Variants in DLGAP3 observed in about 807,000 individuals in gnomAD.
DLGAP3 encodes disks large-associated protein 3.
A neutral mutation model predicts 81.2 loss-of-function variants in DLGAP3; 17 were observed. That is an observed-to-expected ratio of 0.21 (90% CI 0.14 to 0.31). The LOEUF (loss-of-function observed/expected upper bound fraction) is 0.31. Ranked by LOEUF, DLGAP3 falls within the 10% of genes least tolerant of loss-of-function variation. The probability of loss-of-function intolerance (pLI) is 1.00; values close to 1 mark genes in which losing one functional copy is unlikely to be tolerated. For synonymous variants in DLGAP3, 577 were observed against 587.4 expected, an observed-to-expected ratio of 0.98 and a Z score of 0.26; for missense variants, 1,124 against 1,388.0, an observed-to-expected ratio of 0.81 and a Z score of 3.02.
At chr1:34,866,681 G>A (rs1638885617) in intron 11 of DLGAP3, among the ~76,000 whole-genome samples, 2 of 152,206 alleles carry the variant, frequency 1.3e-5, no homozygotes, top group African/African-American at 4.8e-5. Context: ...CCTGGCGGCT[G>A]AGGGGACCCT....
chr1:34,885,407 G>A, intron 7 of DLGAP3, 71 bp downstream of exon 7: 1 of 1,514,188 alleles, frequency 6.6e-7, no homozygotes, highest in South Asian at 1.2e-5. Context: ...CCAGAAGGCC[G>A]CTTCCAGCCC....
intron 8 of DLGAP3, among the ~76,000 whole-genome samples, chr1:34,874,927 G>C (rs779984523): frequency 1.3e-5 from 2 of 152,076 alleles, no homozygotes; most frequent in Non-Finnish European, 2.9e-5. Flanking sequence ...GCATCTAAGA[G>C]CCTAAACATA....
At chr1:34,924,723 C>A (rs2148422186) in intron 1 of DLGAP3, among the ~76,000 whole-genome samples, 2 of 152,318 alleles carry the variant, frequency 1.3e-5, no homozygotes, top group Non-Finnish European at 2.9e-5. Flanking sequence ...TCCAACTCTA[C>A]CCCGATAATA....
chr1:34,905,540 A>T, intron 2 of DLGAP3, 106 bp from the exon 3 acceptor site: 1 of 779,838 alleles, frequency 1.3e-6, no homozygotes, highest in South Asian at 2.0e-5. Flanking sequence ...ATATCAATTT[A>T]TTATGATTAA....
Position 34,885,080 on chromosome 1 carries a change from G to A in DLGAP3, c.1915-17C>T, listed in dbSNP as rs765103549. 23 of 1,608,662 alleles carry A rather than the reference G, an allele frequency of 1.4e-5. No homozygotes were observed. The East Asian group carries it at 4.0e-4, about 28-fold the overall frequency. ...CGTCTCCACCTGGTGGCAGGGTGGAGGAGTCAGTGGCTGTGGCGAGCCAAG... is the reference window on the plus strand; with the variant it reads ...CGTCTCCACCTGGTGGCAGGGTGGAAGAGTCAGTGGCTGTGGCGAGCCAAG... On this transcript the variant is annotated splice_polypyrimidine_tract_variant and intron_variant, in intron 7 of 11. Coordinates refer to ENST00000373347, the MANE Select transcript of DLGAP3 (RefSeq NM_001080418.3).
intron 5 of DLGAP3, among the ~76,000 whole-genome samples, chr1:34,889,165 T>C (rs1639277962): frequency 6.6e-6 from 1 of 152,154 alleles, no homozygotes; most frequent in Admixed American, 6.5e-5. Context: ...GAGAAGTGCC[T>C]CTTTCCCTGG....
At chr1:34,908,642 G>A (rs1042955318) in intron 1 of DLGAP3, among the ~76,000 whole-genome samples, 1 of 152,176 alleles carries the variant, frequency 6.6e-6, no homozygotes, top group South Asian at 2.1e-4. Flanking sequence ...GTGATTAATA[G>A]TAGTGGAAGA....
At chr1:34,903,942 C>T (rs568026262) in intron 3 of DLGAP3, among the ~76,000 whole-genome samples, 3 of 152,318 alleles carry the variant, frequency 2.0e-5, no homozygotes, top group African/African-American at 7.2e-5. Flanking sequence ...CTAAGGTGCA[C>T]CTCTCTATCC....
chr1:34,884,208 C>T (rs1639186281), intron 8 of DLGAP3, among the ~76,000 whole-genome samples: 1 of 152,012 alleles, frequency 6.6e-6, no homozygotes, highest in African/African-American at 2.4e-5. Context: ...CGTGAGCCAC[C>T]GCACCTGGCC....
At chr1:34,896,937 T>C (rs1426226427) in intron 5 of DLGAP3, among the ~76,000 whole-genome samples, 1 of 152,078 alleles carries the variant, frequency 6.6e-6, no homozygotes, top group African/African-American at 2.4e-5. Context: ...GGCCAAGGGG[T>C]AATCACAGAT....
chr1:34,884,324 T>C (rs1639188157), intron 8 of DLGAP3, among the ~76,000 whole-genome samples: 1 of 151,968 alleles, frequency 6.6e-6, no homozygotes, highest in Non-Finnish European at 1.5e-5. Flanking sequence ...TTTCTCCCCA[T>C]AGGCACCCAA....
In DLGAP3 at chr1:34,871,370, C is replaced by A. The variant is rs112704910; in HGVS notation, c.2001-2281G>T. Among the ~76,000 whole-genome samples the A allele has an allele frequency of 6.3e-3, 955 of 152,316 alleles. 7 individuals carry two copies. Among genetic ancestry groups the A allele is most frequent in the African/African-American group, 0.022 (921 of 41,576 alleles). ...TCCTCCTCCTGGCTCCTTGTCCATT[C>A]CCTCCTTAAGTCCTGTTTTACCTGT... On this transcript the variant is annotated intron_variant, in intron 8 of 11. Transcript: ENST00000373347.
At chr1:34,922,197 T>C (rs1486906322) in intron 1 of DLGAP3, among the ~76,000 whole-genome samples, 2 of 152,194 alleles carry the variant, frequency 1.3e-5, no homozygotes, top group African/African-American at 4.8e-5. Context: ...CAAGGCCTTA[T>C]AGGTTTTCCC....
At chr1:34,869,768 G>A (rs963657024) in intron 8 of DLGAP3, among the ~76,000 whole-genome samples, 2 of 152,266 alleles carry the variant, frequency 1.3e-5, no homozygotes, top group African/African-American at 4.8e-5. Flanking sequence ...GAGCCACCAC[G>A]CCTGGCCGAA....
chr1:34,893,220 T>G lies in DLGAP3; in HGVS notation c.1386+6449A>C, dbSNP rs1569628463. Among the ~76,000 whole-genome samples, 5 of 147,394 alleles carry G rather than the reference T, an allele frequency of 3.4e-5. No individual in the cohort carries two copies. In the South Asian group the frequency reaches 1.1e-3, roughly 32 times the overall value. ...AAAAACAATGAACACCAGAAGGCAG[T>G]GGAGTGGTATATTCTAAGTGCTGAA... On this transcript the variant is annotated intron_variant, in intron 5 of 11. Coordinates refer to ENST00000373347, the MANE Select transcript of DLGAP3 (RefSeq NM_001080418.3).
At position 34,902,683 on chromosome 1, in the gene DLGAP3, C is replaced by A. The variant is rs979888676; in HGVS notation, c.1107+1594G>T. On this transcript the variant is annotated intron_variant, in intron 3 of 11. Transcript: ENST00000373347. The surrounding 1 kb of genome is among the most constrained non-coding windows in gnomAD (Gnocchi z 4.4). ...CCCCTTCCCCATTCTCTACAGAGAG[C>A]AGCAGGCAGGTGGAGAGAGGCAGGC... 6.6e-6 allele frequency among the ~76,000 whole-genome samples: 1 copy of A among 152,136 alleles called. No homozygotes were observed. The highest frequency in any genetic ancestry group is 2.4e-5 in the African/African-American group (1 of 41,414).
At chr1:34,925,925 C>A (rs1490360354) in intron 1 of DLGAP3, among the ~76,000 whole-genome samples, 1 of 152,198 alleles carries the variant, frequency 6.6e-6, no homozygotes, top group African/African-American at 2.4e-5. Context: ...GACACCCCCA[C>A]AAACCCAGAT....
intron 8 of DLGAP3, among the ~76,000 whole-genome samples, chr1:34,884,036 A>G (rs1292435075): frequency 1.3e-5 from 2 of 152,016 alleles, no homozygotes; most frequent in Non-Finnish European, 2.9e-5. Context: ...CTCATGCCTC[A>G]GCCTCTCGAG....
Position 34,886,097 on chromosome 1 carries a change from G to C in DLGAP3, c.1575C>G (p.Ala525=). Reference sequence around the variant, plus strand: ...AGGAGCCGGGCCTCCCTGAGACAGCGGCAGGGGTAGCGAGGAGGGGCAGGC... The same window carrying C: ...AGGAGCCGGGCCTCCCTGAGACAGCCGCAGGGGTAGCGAGGAGGGGCAGGC... ...DDCLPLLATP[A]AVSGRPGSSF... is the part of the protein sequence containing the mutation. The change falls in exon 6 of 12, where the codon GCC becomes GCG. Residue 525 remains alanine (A), a synonymous_variant. Transcript: ENST00000373347. 1 of 1,606,178 alleles carries C rather than the reference G, an allele frequency of 6.2e-7. No individual in the cohort carries two copies. Among genetic ancestry groups the C allele is most frequent in the Non-Finnish European group, 8.5e-7 (1 of 1,177,614 alleles).
Sources: allele counts gnomAD v4.1 joint callset (sites outside exome capture counted in the v4.1 genomes callset), GRCh38; gene constraint gnomAD v4.1.1; non-coding constraint Gnocchi (gnomAD v3.1); transcripts MANE v1.5; gene names NCBI Gene and HGNC (gene_info 2026-07-23, HGNC 2026-07-21).